TADA2B: variants seen among roughly 807,000 people sequenced by gnomAD.
TADA2B encodes transcriptional adaptor 2B.
Under a neutral mutation model 34.5 loss-of-function variants are expected in TADA2B, and 13 were observed. The ratio of observed to expected loss-of-function variants is 0.38; its 90% CI spans 0.25 to 0.60. The LOEUF is 0.60. Ranked by LOEUF, TADA2B falls within the 20% of genes least tolerant of loss-of-function variation. The probability of loss-of-function intolerance (pLI) is 0.65; values close to 1 mark genes in which losing one functional copy is unlikely to be tolerated. For synonymous variants in TADA2B, 240 were observed against 243.4 expected (o/e 0.99, Z 0.13); for missense variants, 442 against 575.0 (o/e 0.77, Z 2.37).
chr4:7,051,234 T>C (rs1723760309), intron 1 of TADA2B, among the ~76,000 whole-genome samples: 2 of 152,076 alleles, frequency 1.3e-5, no homozygotes, highest in South Asian at 4.2e-4. Context: ...ACCTTCCCTG[T>C]GGGAGGGAAG....
Position 7,043,464 on chromosome 4 carries a change from C to T in TADA2B, c.-116C>T. The T allele has an allele frequency of 2.1e-6, 1 of 465,134 alleles. No homozygotes were observed. Among genetic ancestry groups the T allele is most frequent in the Non-Finnish European group, 2.8e-6 (1 of 360,308 alleles). The allele number at this position is 465,134 out of a possible 1,614,324, so 28.8% of individuals were successfully genotyped here. ...GCCGCGGTGGCGGCAGCCGCGGCGGCGGGCGGCGGTTGCTCGTGCGCGGCG... is the reference window on the plus strand; with the variant it reads ...GCCGCGGTGGCGGCAGCCGCGGCGGTGGGCGGCGGTTGCTCGTGCGCGGCG... On this transcript the variant is annotated 5_prime_UTR_variant, in exon 1 of 2. Transcript: ENST00000310074.
Position 7,057,767 on chromosome 4 carries a change from C to T in TADA2B, c.*2713C>T, listed in dbSNP as rs1169682022. The T allele has an allele frequency of 1.5e-5, 2 of 136,596 alleles. No individual in the cohort carries two copies. The highest frequency in any genetic ancestry group is 5.3e-5 in the African/African-American group (2 of 38,014). The allele number at this position is 136,596 out of a possible 1,614,324, so 8.5% of individuals were successfully genotyped here. A position where few individuals can be genotyped will look rare whatever the true frequency, so the allele number is the denominator to read the frequency against. ...ACGCCACTACACTCCAGCCTGGTGACAGAGCAAGACTCCATCTCAAAAAAA... is the reference window on the plus strand; with the variant it reads ...ACGCCACTACACTCCAGCCTGGTGATAGAGCAAGACTCCATCTCAAAAAAA... On this transcript the variant is annotated 3_prime_UTR_variant, in exon 2 of 2. Transcript: ENST00000310074.
intron 1 of TADA2B, among the ~76,000 whole-genome samples, chr4:7,048,189 G>C (rs1366683855): frequency 2.6e-5 from 4 of 152,222 alleles, no homozygotes; most frequent in Non-Finnish European, 5.9e-5. Flanking sequence ...TGTGAGGCAT[G>C]GTTGGGAACC....
chr4:7,050,683 G>A (rs1723745948), intron 1 of TADA2B, among the ~76,000 whole-genome samples: 1 of 152,180 alleles, frequency 6.6e-6, no homozygotes, highest in Non-Finnish European at 1.5e-5. Context: ...GCACGACGCC[G>A]GGCGCAAAGG....
chr4:7,045,955 G>T (rs1392965505), intron 1 of TADA2B: 1 of 152,292 alleles, frequency 6.6e-6, no homozygotes, highest in African/African-American at 2.4e-5. Context: ...AGCACCTGGG[G>T]AGCTGGTGAA....
chr4:7,056,105 C>T lies in TADA2B; in HGVS notation c.*1051C>T, dbSNP rs1723887393. ...GTCGCCAGGCCCGCGCCAGCTGAGG[C>T]CTCAGACTAGCCAGGCAAGAGCCGT... is the stretch of plus-strand genomic sequence containing the variant. On this transcript the variant is annotated 3_prime_UTR_variant, in exon 2 of 2. Coordinates refer to ENST00000310074, the MANE Select transcript of TADA2B (RefSeq NM_152293.3). 6.6e-6 allele frequency: 1 copy of T among 152,660 alleles called. No homozygotes were observed. Among genetic ancestry groups the T allele is most frequent in the Non-Finnish European group, 1.5e-5 (1 of 68,058 alleles). 9.5% of individuals were successfully genotyped at this position (152,660 alleles called of 1,614,324 possible). A position where few individuals can be genotyped will look rare whatever the true frequency, so the allele number is the denominator to read the frequency against.
chr4:7,043,995 GTTTAT>G, intron 1 of TADA2B, 146 bp downstream of exon 1: 1 of 1,152,712 alleles, frequency 8.7e-7, no homozygotes, highest in Non-Finnish European at 1.1e-6. Flanking sequence ...GACGCTGCCG[GTTTAT>G]AGTCGGGCAC....
chr4:7,046,315 T>C (rs903735575), intron 1 of TADA2B: 2 of 152,244 alleles, frequency 1.3e-5, no homozygotes, highest in African/African-American at 4.8e-5. Context: ...TGTATCCAGC[T>C]ATGTGCACAG....
intron 1 of TADA2B, among the ~76,000 whole-genome samples, chr4:7,046,410 A>G (rs4689582): frequency 0.96 from 146,859 of 152,256 alleles, 70,870 homozygotes; most frequent in East Asian, 1. Context: ...GGATCTTCCT[A>G]GCAACCCTCG....
At chr4:7,048,545 C>G (rs1723692656) in intron 1 of TADA2B, among the ~76,000 whole-genome samples, 1 of 152,178 alleles carries the variant, frequency 6.6e-6, no homozygotes, top group East Asian at 1.9e-4. Flanking sequence ...TATAAAACTT[C>G]AAAATTATTT....
intron 1 of TADA2B, among the ~76,000 whole-genome samples, chr4:7,047,417 C>G (rs2108783558): frequency 6.6e-6 from 1 of 152,362 alleles, no homozygotes; most frequent in Non-Finnish European, 1.5e-5. Flanking sequence ...CGTCAACACT[C>G]AGGCTCCTTC....
intron 1 of TADA2B, chr4:7,045,756 G>T (rs551412771): frequency 1.3e-5 from 2 of 152,182 alleles, no homozygotes; most frequent in Non-Finnish European, 2.9e-5. Context: ...GGCTTTGGAC[G>T]GACCAGTTTG....
chr4:7,045,343 T>G (rs1158976935), intron 1 of TADA2B, among the ~76,000 whole-genome samples: 1 of 152,218 alleles, frequency 6.6e-6, no homozygotes, highest in Admixed American at 6.5e-5. Flanking sequence ...GATGTTTACG[T>G]TTACTTCTTG....
rs1723897446 is a variant in TADA2B, at chr4:7,056,597, AG to A, written c.*1546del. The A allele has an allele frequency of 6.6e-6, 1 of 152,224 alleles. No individual in the cohort carries two copies. Among genetic ancestry groups the A allele is most frequent in the African/African-American group, 2.4e-5 (1 of 41,452 alleles). The allele number at this position is 152,224 out of a possible 1,614,324, so 9.4% of individuals were successfully genotyped here. A position where few individuals can be genotyped will look rare whatever the true frequency, so the allele number is the denominator to read the frequency against. ...CTTTTTACACATCCTACTGTCCCTT[AG>A]GGTAAAATTTTCAGCATTAAATAAA... On this transcript the variant is annotated 3_prime_UTR_variant, in exon 2 of 2. Transcript: ENST00000310074.
In TADA2B at chr4:7,055,335, G is replaced by A. The variant is rs1351084547; in HGVS notation, c.*281G>A. On this transcript the variant is annotated 3_prime_UTR_variant, in exon 2 of 2. Transcript: ENST00000310074. ...CCGTTCAGTTGGGAGCTTATTGTGA[G>A]ATTGGATCATTTCCTTTTGAGTGTT... The A allele has an allele frequency of 2.8e-6, 1 of 356,132 alleles. No homozygotes were observed. Among genetic ancestry groups the A allele is most frequent in the Non-Finnish European group, 5.1e-6 (1 of 197,416 alleles). 22.1% of individuals were successfully genotyped at this position (356,132 alleles called of 1,614,324 possible). A position where few individuals can be genotyped will look rare whatever the true frequency, so the allele number is the denominator to read the frequency against.
chr4:7,044,148 T>C (rs2108781710), intron 1 of TADA2B, among the ~76,000 whole-genome samples: 1 of 152,332 alleles, frequency 6.6e-6, no homozygotes, highest in South Asian at 2.1e-4. Flanking sequence ...CACAGGCGTT[T>C]GCGGAGTGCA....
chr4:7,053,903 C>T (rs749228084), intron 1 of TADA2B, 159 bp from the exon 2 acceptor site: 106 of 745,086 alleles, frequency 1.4e-4, no homozygotes, highest in Non-Finnish European at 2.2e-4. Context: ...GAGCCCAGCT[C>T]ATAAGACAGT....
chr4:7,054,586 C>G lies in TADA2B; in HGVS notation c.795C>G (p.Phe265Leu). Residue 265 changes from phenylalanine (F) to leucine (L), a missense_variant, in exon 2 of 2, where the codon TTC becomes TTG. Physicochemically the swap from Phe to Leu is conservative, Grantham distance 22. Around this residue, in one of 4 missense-constraint regions of TADA2B, gnomAD observed 222 missense variants for 235.2 expected, o/e 0.94. Coordinates refer to ENST00000310074, the MANE Select transcript of TADA2B (RefSeq NM_152293.3). ...LRLKLRPLYQFMSCKEFDDLF... is the reference protein window; with the variant it reads ...LRLKLRPLYQLMSCKEFDDLF... ...TGAAGCTGAGGCCGCTGTACCAGTT[C>G]ATGTCATGCAAGGAGTTTGATGACC... The G allele has an allele frequency of 1.9e-6, 3 of 1,613,950 alleles. No individual in the cohort carries two copies. The highest frequency in any genetic ancestry group is 2.5e-6 in the Non-Finnish European group (3 of 1,179,916).
rs201187439 is a variant in TADA2B at position 7,054,183 on chromosome 4, G to A, written c.392G>A (p.Arg131His). The change falls in exon 2 of 2, where the codon CGC becomes CAC. Residue 131 changes from arginine to histidine, a missense_variant. Physicochemically the swap from Arg to His is conservative, Grantham distance 29. Coordinates refer to ENST00000310074, the MANE Select transcript of TADA2B (RefSeq NM_152293.3). ...TGCATCCCCGACACCATCCCCAACCGCGTGACAGACCACACCTGTCCCAGC... is the reference window on the plus strand; with the variant it reads ...TGCATCCCCGACACCATCCCCAACCACGTGACAGACCACACCTGTCCCAGC... Reference protein sequence around the residue: ...KACIPDTIPNRVTDHTCPSGG... With the variant: ...KACIPDTIPNHVTDHTCPSGG... 9.5e-4 allele frequency: 1,521 copies of A among 1,606,208 alleles called. 3 individuals carry two copies. Among genetic ancestry groups the A allele is most frequent in the Non-Finnish European group, 1.1e-3 (1,318 of 1,176,566 alleles).
Sources: allele counts gnomAD v4.1 joint callset (sites outside exome capture counted in the v4.1 genomes callset), GRCh38; gene constraint gnomAD v4.1.1; regional missense constraint gnomAD v4.1.1; transcripts MANE v1.5; gene names NCBI Gene and HGNC (gene_info 2026-07-23, HGNC 2026-07-21).